Variants in CLASP1 observed in about 807,000 individuals in gnomAD.
CLASP1 encodes CLIP-associating protein 1.
A neutral mutation model predicts 192.3 loss-of-function variants in CLASP1; 38 were observed. The observed-to-expected ratio is 0.20, with a 90% CI of 0.15 to 0.26. The LOEUF is 0.26. CLASP1 is among the 10% of genes least tolerant of loss of function. The pLI, the probability that CLASP1 is intolerant of heterozygous loss-of-function variation, is 1.00. For synonymous variants in CLASP1, 691 were observed against 712.8 expected, an observed-to-expected ratio of 0.97 and a Z score of 0.49; for missense variants, 1,433 against 1,932.5, an observed-to-expected ratio of 0.74 and a Z score of 4.85.
intron 9 of CLASP1, among the ~76,000 whole-genome samples, chr2:121,469,396 A>G (rs2090260369): frequency 6.6e-6 from 1 of 152,160 alleles, no homozygotes; most frequent in Non-Finnish European, 1.5e-5. Context: ...TATTTTAAAG[A>G]CAGGAGTTAC....
chr2:121,528,530 A>G, intron 4 of CLASP1, 147 bp downstream of exon 4: 1 of 649,244 alleles, frequency 1.5e-6, no homozygotes, highest in Admixed American at 2.6e-5. Flanking sequence ...ATGGGGAAAC[A>G]GATTGAATGC....
intron 1 of CLASP1, among the ~76,000 whole-genome samples, chr2:121,648,481 A>T (rs1021182065): frequency 6.6e-6 from 1 of 152,232 alleles, no homozygotes; most frequent in Non-Finnish European, 1.5e-5. Context: ...AACTCACCAC[A>T]GCGTGCTTTC....
chr2:121,487,911 T>C (rs912718246), intron 8 of CLASP1, among the ~76,000 whole-genome samples: 21 of 152,264 alleles, frequency 1.4e-4, no homozygotes, highest in African/African-American at 4.8e-4. Flanking sequence ...AACTCAACAA[T>C]ACTTCACTGT....
At chr2:121,636,915 T>C (rs1370711477) in intron 1 of CLASP1, among the ~76,000 whole-genome samples, 1 of 152,142 alleles carries the variant, frequency 6.6e-6, no homozygotes, top group African/African-American at 2.4e-5. Context: ...TAAGAACGAT[T>C]TTCTGCAACT....
At chr2:121,391,796 C>A (rs112357265) in intron 30 of CLASP1, among the ~76,000 whole-genome samples, 6,041 of 152,208 alleles carry the variant, frequency 0.04, 161 homozygotes, top group East Asian at 0.14. Context: ...CCCAGCTACC[C>A]AGGAGGCTGA....
At chr2:121,634,184 T>C (rs2070363870) in intron 1 of CLASP1, among the ~76,000 whole-genome samples, 1 of 152,152 alleles carries the variant, frequency 6.6e-6, no homozygotes. Flanking sequence ...TAACCATTAC[T>C]TGTCTGCCTT....
At chr2:121,586,531 A>AC (rs930986728) in intron 2 of CLASP1, among the ~76,000 whole-genome samples, 4 of 151,642 alleles carry the variant, frequency 2.6e-5, no homozygotes, top group South Asian at 2.1e-4. Context: ...AATTCTCTCC[A>AC]CCCCCCTTAA....
intron 8 of CLASP1, among the ~76,000 whole-genome samples, chr2:121,496,368 T>C (rs115639415): frequency 0.014 from 2,060 of 152,304 alleles, 25 homozygotes; most frequent in Middle Eastern, 0.027. Context: ...CAAGAGGTCA[T>C]TGAGGAGCCT....
chr2:121,618,916 A>G (rs1475901369), intron 1 of CLASP1, among the ~76,000 whole-genome samples: 1 of 152,194 alleles, frequency 6.6e-6, no homozygotes, highest in East Asian at 1.9e-4. Flanking sequence ...CTTGCAGGGA[A>G]ATCTATACAA....
intron 12 of CLASP1, among the ~76,000 whole-genome samples, chr2:121,459,217 A>G (rs762637089): frequency 6.6e-6 from 1 of 151,820 alleles, no homozygotes; most frequent in Non-Finnish European, 1.5e-5. Context: ...TTCTAGAGGC[A>G]GGATCTCACT....
chr2:121,364,887 C>T (rs573252274), intron 36 of CLASP1: 72 of 593,890 alleles, frequency 1.2e-4, no homozygotes, highest in African/African-American at 9.1e-4. Context: ...AGACCATGCA[C>T]GTAAGCCAAG....
intron 19 of CLASP1, among the ~76,000 whole-genome samples, chr2:121,435,232 A>G (rs1281487420): frequency 1.3e-5 from 2 of 152,208 alleles, no homozygotes; most frequent in Non-Finnish European, 2.9e-5. Flanking sequence ...TTTCTCATTT[A>G]ACCACAAAGC....
At chr2:121,503,746 G>A (rs2093841004) in intron 7 of CLASP1, 1 of 152,152 alleles carries the variant, frequency 6.6e-6, no homozygotes, top group South Asian at 2.1e-4. Flanking sequence ...CAAATGCTGT[G>A]ACTGGATAAT....
chr2:121,645,180 G>C (rs2072956184), intron 1 of CLASP1, among the ~76,000 whole-genome samples: 2 of 152,178 alleles, frequency 1.3e-5, no homozygotes, highest in African/African-American at 4.8e-5. Context: ...CTCAATTCAA[G>C]AGAGAGTTTA....
chr2:121,390,812 T>C (rs1425381513), intron 30 of CLASP1, among the ~76,000 whole-genome samples: 1 of 152,094 alleles, frequency 6.6e-6, no homozygotes. Context: ...TCATTTAGTA[T>C]CTCTCCTTTC....
intron 6 of CLASP1, 105 bp downstream of exon 6, chr2:121,525,740 T>C: frequency 1.4e-6 from 1 of 724,742 alleles, no homozygotes; most frequent in Non-Finnish European, 2.5e-6. Context: ...ATCATCAGTG[T>C]TCTGTGAAGA....
rs573258305 is a variant in CLASP1, at chr2:121,648,130, C to A, written c.-286+1242G>T. Among the ~76,000 whole-genome samples the A allele has an allele frequency of 4.6e-5, 7 of 152,304 alleles. No homozygotes were observed. In the East Asian group the frequency reaches 1.3e-3, roughly 29 times the overall value. On this transcript the variant is annotated intron_variant, in intron 1 of 39. Coordinates refer to ENST00000263710, the Ensembl canonical transcript of CLASP1. ...CATCAATGTTGCTATTCTCCCAATC[C>A]CTTGATGAGCAAACGGAGCCAATAT...
chr2:121,594,550 G>A lies in CLASP1; in HGVS notation c.195+11151C>T, dbSNP rs540288779. ...TGGGACTACAGGCACCCGATACCAC[G>A]CCCGGCTAATTTCTGTATTTTTAGT... On this transcript the variant is annotated intron_variant, in intron 2 of 39. Transcript: ENST00000263710. Among the ~76,000 whole-genome samples the A allele has an allele frequency of 2.7e-3, 415 of 151,478 alleles. 2 individuals are homozygous for A. The highest frequency in any genetic ancestry group is 6.8e-3 in the Middle Eastern group (2 of 294).
At chr2:121,533,352 T>C (rs1369253542) in intron 2 of CLASP1, among the ~76,000 whole-genome samples, 3 of 152,154 alleles carry the variant, frequency 2.0e-5, no homozygotes, top group Admixed American at 2.0e-4. Context: ...CATGAAAAAG[T>C]CCTTGCCCAG....
Sources: gnomAD v4.1 joint callset for allele counts (sites outside exome capture counted in the v4.1 genomes callset) on GRCh38, gnomAD v4.1.1 for gene constraint, MANE v1.5 for transcripts, NCBI Gene and HGNC (gene_info 2026-07-23, HGNC 2026-07-21) for gene names.